Variants in THAP7 observed in about 807,000 individuals in gnomAD.
THAP7 encodes the protein THAP domain-containing protein 7.
THAP7 carries 22 observed loss-of-function variants against 29.2 expected under a neutral mutation model. The ratio of observed to expected loss-of-function variants is 0.75; its 90% confidence interval spans 0.54 to 1.08. THAP7 has a LOEUF of 1.08. THAP7 is among the 50% of genes least tolerant of loss of function. The pLI is 0.00. For missense variants in THAP7, 448 were observed against 416.2 expected, an observed-to-expected ratio of 1.08 and a Z score of -0.66; for synonymous variants, 208 against 173.4, an observed-to-expected ratio of 1.20 and a Z score of -1.57.
In THAP7 at chr22:21,000,664, G is replaced by C; in HGVS notation, c.360C>G (p.Leu120=). Residue 120 remains leucine (L), a synonymous_variant, in exon 3 of 4, where the codon CTC becomes CTG. Transcript: ENST00000215742. ...YPPGPAEVSR[L]RRCRKRCSEG... Reference sequence around the variant, plus strand: ...TCACATACCGCTTCCTGCATCGTCTGAGCCGGCTGACTTCAGCGGGGCCAG... The same window carrying C: ...TCACATACCGCTTCCTGCATCGTCTCAGCCGGCTGACTTCAGCGGGGCCAG... 1 of 1,614,150 alleles carries C rather than the reference G, an allele frequency of 6.2e-7. No individual in the cohort carries two copies. Among genetic ancestry groups the C allele is most frequent in the Non-Finnish European group, 8.5e-7 (1 of 1,180,030 alleles).
In THAP7 at chr22:21,001,805, G is replaced by A. The variant is rs918498419; in HGVS notation, c.80+27C>T. On this transcript the variant is annotated intron_variant, in intron 1 of 3. Coordinates refer to ENST00000215742, the MANE Select transcript of THAP7 (RefSeq NM_030573.3). ...CGAGCAACAACTAGCGCATGCGCAC[G>A]TGAGCCCGCGGCGCACGCGCGCTGA... The A allele has an allele frequency of 2.6e-6, 4 of 1,541,040 alleles. No individual in the cohort carries two copies. The African/African-American group carries it at 4.1e-5, about 16-fold the overall frequency.
In THAP7 at chr22:21,002,056, A is replaced by G. The variant is rs1312807385; in HGVS notation, c.-145T>C. 4 of 723,080 alleles carry G rather than the reference A, an allele frequency of 5.5e-6. No homozygotes were observed. Among genetic ancestry groups the G allele is most frequent in the Non-Finnish European group, 8.6e-6 (4 of 465,842 alleles). The allele number at this position is 723,080 out of a possible 1,614,324, so 44.8% of individuals were successfully genotyped here. ...TGTCGCCCCAACCCCGTCCCAGCCG[A>G]TTCTCTTGACTTCTGTCAGCGGCAC... On this transcript the variant is annotated 5_prime_UTR_variant, in exon 1 of 4. Coordinates refer to ENST00000215742, the MANE Select transcript of THAP7 (RefSeq NM_030573.3).
chr22:21,001,551 C>T (rs1925166455), intron 1 of THAP7, 140 bp from the exon 2 acceptor site: 1 of 1,325,930 alleles, frequency 7.5e-7, no homozygotes, highest in Admixed American at 2.4e-5. Context: ...AGCACCACCG[C>T]CCGGGCACAG....
At position 21,001,296 on chromosome 22, in the gene THAP7, T is replaced by C. The variant is rs2147976211; in HGVS notation, c.196A>G (p.Lys66Glu). 1 of 1,614,058 alleles carries C rather than the reference T, an allele frequency of 6.2e-7. No homozygotes were observed. The highest frequency in any genetic ancestry group is 2.2e-5 in the East Asian group (1 of 44,856). The stretch of plus-strand genomic sequence containing the variant: ...TCAAAGCAGTCCTCCTCAAAGTGTT[T>C]GGAGCAGAAGTAGATGTACTCGGAT... Reference protein sequence around the residue: ...PASEYIYFCSKHFEEDCFELV... With the variant: ...PASEYIYFCSEHFEEDCFELV... The change falls in exon 2 of 4, where the codon AAA becomes GAA. Residue 66 changes from lysine (K) to glutamate (E), a missense_variant. By Grantham distance (56) the Lys-to-Glu change is moderately conservative. Coordinates refer to ENST00000215742, the MANE Select transcript of THAP7 (RefSeq NM_030573.3).
At position 21,000,201 on chromosome 22, in the gene THAP7, A is replaced by G. The variant is rs1008183642; in HGVS notation, c.609T>C (p.Pro203=). Residue 203 remains proline, a synonymous_variant, in exon 4 of 4, where the codon CCT becomes CCC. Coordinates refer to ENST00000215742, the MANE Select transcript of THAP7 (RefSeq NM_030573.3). Reference sequence around the variant, plus strand: ...AGGGGGAGACTGGCCGTGGTTCGAGAGGGGAGGGCTGCCGCTCTGGTGAAG... The same window carrying G: ...AGGGGGAGACTGGCCGTGGTTCGAGGGGGGAGGGCTGCCGCTCTGGTGAAG... ...AQPSPERQPS[P]LEPRPVSPSA... 18 of 1,559,206 alleles carry G rather than the reference A, an allele frequency of 1.2e-5. No individual in the cohort carries two copies. The highest frequency in any genetic ancestry group is 1.5e-5 in the Non-Finnish European group (17 of 1,151,978).
Position 21,000,800 on chromosome 22 carries a change from G to T in THAP7, c.237-13C>A, listed in dbSNP as rs756200681. ...CCTGTGATATCCACTGCGGGGAAAA[G>T]CAACCCAGATGAGCTGGAGAGCAAG... On this transcript the variant is annotated splice_polypyrimidine_tract_variant and intron_variant, in intron 2 of 3. Coordinates refer to ENST00000215742, the MANE Select transcript of THAP7 (RefSeq NM_030573.3). 1.2e-6 allele frequency: 2 copies of T among 1,613,960 alleles called. No individual in the cohort carries two copies. Among genetic ancestry groups the T allele is most frequent in the South Asian group, 1.1e-5 (1 of 91,084 alleles).
rs139396008 is a variant in THAP7, at chr22:21,001,058, ACT to A, written c.236+196_236+197del. ...TGGCAAGACTGGGGCTCTGAAAGAT[ACT>A]CTCTGGAAAGGCTCCTGTTTTCCCC... On this transcript the variant is annotated intron_variant, in intron 2 of 3. Coordinates refer to ENST00000215742, the MANE Select transcript of THAP7 (RefSeq NM_030573.3). 8.6e-5 allele frequency: 76 copies of A among 882,500 alleles called. No homozygotes were observed. The East Asian group carries it at 1.7e-3, about 19-fold the overall frequency. The allele number at this position is 882,500 out of a possible 1,614,324, so 54.7% of individuals were successfully genotyped here.
rs369415723 is a variant in THAP7 at position 21,000,093 on chromosome 22, G to C, written c.717C>G (p.Leu239=). ...EHSYQVGSAL[L]WKRRAEAALD... ...GGGCTGCCTCGGCTCGCCGCTTCCAGAGTAAGGCGCTGCCCACCTGGTAGC... is the reference window on the plus strand; with the variant it reads ...GGGCTGCCTCGGCTCGCCGCTTCCACAGTAAGGCGCTGCCCACCTGGTAGC... The change falls in exon 4 of 4, where the codon CTC becomes CTG. Residue 239 remains leucine (L), a synonymous_variant. Coordinates refer to ENST00000215742, the MANE Select transcript of THAP7 (RefSeq NM_030573.3). 5 of 1,612,596 alleles carry C rather than the reference G, an allele frequency of 3.1e-6. No individual in the cohort carries two copies. Among genetic ancestry groups the C allele is most frequent in the Non-Finnish European group, 3.4e-6 (4 of 1,179,834 alleles).
chr22:21,001,119 T>A (rs1925141142), intron 2 of THAP7, 137 bp downstream of exon 2: 1 of 1,298,422 alleles, frequency 7.7e-7, no homozygotes, highest in African/African-American at 1.5e-5. Context: ...TGGGGGTGGG[T>A]TTCACTGTGC....
At chr22:21,001,709 C>T (rs1376913043) in intron 1 of THAP7, 123 bp downstream of exon 1, 9 of 1,135,736 alleles carry the variant, frequency 7.9e-6, no homozygotes, top group Non-Finnish European at 8.5e-6. Context: ...CGCTTCACCT[C>T]CCACCCACAG....
intron 2 of THAP7, 169 bp from the exon 3 acceptor site, chr22:21,000,956 G>A (rs1478849058): frequency 9.4e-7 from 1 of 1,067,548 alleles, no homozygotes; most frequent in Non-Finnish European, 1.3e-6. Context: ...ACTCCTCACA[G>A]TCCAGGTGTG....
Position 20,999,855 on chromosome 22 carries a change from G to C in THAP7, c.*25C>G. 3 of 1,579,210 alleles carry C rather than the reference G, an allele frequency of 1.9e-6. No individual in the cohort carries two copies. Among genetic ancestry groups the C allele is most frequent in the Non-Finnish European group, 2.6e-6 (3 of 1,166,022 alleles). On this transcript the variant is annotated 3_prime_UTR_variant, in exon 4 of 4. Transcript: ENST00000215742. ...GAAGAGGCTGCAGTCTTGCTGGGCA[G>C]CCCCTCGGTCAGTCCAGCAGCCCCT...
intron 1 of THAP7, 106 bp downstream of exon 1, chr22:21,001,726 G>A (rs1925178002): frequency 1.4e-5 from 17 of 1,247,282 alleles, no homozygotes; most frequent in South Asian, 3.0e-5. Flanking sequence ...ACAGGTTCAA[G>A]CCTCCTCAGT....
chr22:21,000,154 G>A lies in THAP7; in HGVS notation c.656C>T (p.Pro219Leu), dbSNP rs1441806091. The A allele has an allele frequency of 6.3e-7, 1 of 1,590,024 alleles. No individual in the cohort carries two copies. Among genetic ancestry groups the A allele is most frequent in the Non-Finnish European group, 8.6e-7 (1 of 1,168,670 alleles). Reference protein sequence around the residue: ...VSPSAYMLRLPPPAGAYIQNE... With the variant: ...VSPSAYMLRLLPPAGAYIQNE... ...CTGGATGTAGGCTCCGGCGGGTGGG[G>A]GCAGGCGCAGCATATACGCTGAGGG... The change falls in exon 4 of 4, where the codon CCC becomes CTC. Residue 219 changes from proline (P) to leucine (L), a missense_variant. Physicochemically the swap from Pro to Leu is moderately conservative, Grantham distance 98. Transcript: ENST00000215742.
intron 3 of THAP7, 75 bp downstream of exon 3, chr22:21,000,572 G>A (rs1428217598): frequency 7.5e-6 from 12 of 1,600,912 alleles, no homozygotes; most frequent in Admixed American, 1.7e-5. Flanking sequence ...CAGCGAGACT[G>A]CTGGCAGACA....
chr22:21,000,284 A>C lies in THAP7; in HGVS notation c.526T>G (p.Ser176Ala), dbSNP rs1269855338. ...GCACCCAAGGGGCCCAGTAGGTCTG[A>C]AAAGGGGCTGCTAAGGCCAGGCTCC... is the stretch of plus-strand genomic sequence containing the variant. ...RLEPGLSSPF[S>A]DLLGPLGAQA... Residue 176 changes from serine (S) to alanine (A), a missense_variant, in exon 4 of 4, where the codon TCA (serine) becomes GCA (alanine). Coordinates refer to ENST00000215742, the MANE Select transcript of THAP7 (RefSeq NM_030573.3). The C allele has an allele frequency of 1.3e-6, 2 of 1,557,578 alleles. No homozygotes were observed. The highest frequency in any genetic ancestry group is 2.4e-5 in the South Asian group (2 of 84,772).
In THAP7 at chr22:21,001,281, C is replaced by G. The variant is rs1387991265; in HGVS notation, c.211G>C (p.Asp71His). The change falls in exon 2 of 4, where the codon GAC becomes CAC. Residue 71 changes from aspartate (D) to histidine (H), a missense_variant. Asp to His is a moderately conservative substitution (Grantham distance 81, BLOSUM62 -1). Coordinates refer to ENST00000215742, the MANE Select transcript of THAP7 (RefSeq NM_030573.3). Reference protein sequence around the residue: ...IYFCSKHFEEDCFELVGISGY... With the variant: ...IYFCSKHFEEHCFELVGISGY... ...CTGATTCCCACCAGCTCAAAGCAGTCCTCCTCAAAGTGTTTGGAGCAGAAG... is the reference window on the plus strand; with the variant it reads ...CTGATTCCCACCAGCTCAAAGCAGTGCTCCTCAAAGTGTTTGGAGCAGAAG... 6.2e-7 allele frequency: 1 copy of G among 1,614,096 alleles called. No homozygotes were observed. Among genetic ancestry groups the G allele is most frequent in the Non-Finnish European group, 8.5e-7 (1 of 1,179,976 alleles).
rs748835150 is a variant in THAP7, at chr22:21,001,401, T to A, written c.91A>T (p.Lys31Ter). The change falls in exon 2 of 4, where the codon AAG becomes TAG. Residue 31 changes from lysine to a stop codon, truncating the protein, a stop_gained. Coordinates refer to ENST00000215742, the MANE Select transcript of THAP7 (RefSeq NM_030573.3). LOFTEE classifies it high-confidence loss of function. ...RGISFHRLPK[K>*]DNPRRGLWLA... ...CACAAGCCTCGCCTCGGGTTGTCCT[T>A]CTTGGGAAGTCTGTGGAGCCACAAA... 2 of 1,613,616 alleles carry A rather than the reference T, an allele frequency of 1.2e-6. No homozygotes were observed. The highest frequency in any genetic ancestry group is 4.5e-5 in the East Asian group (2 of 44,882).
chr22:21,000,354 C>T lies in THAP7; in HGVS notation c.456G>A (p.Glu152=), dbSNP rs773204079. The stretch of plus-strand genomic sequence containing the variant: ...CCGGCAAAGTGGCAGGTGCTGAGGC[C>T]TCTTCCACAGGAAAGCAGGTGACAT... ...PADVTCFPVE[E]ASAPATLPAS... Residue 152 remains glutamate (E), a synonymous_variant, in exon 4 of 4, where the codon GAG becomes GAA. Coordinates refer to ENST00000215742, the MANE Select transcript of THAP7 (RefSeq NM_030573.3). 1 of 1,553,312 alleles carries T rather than the reference C, an allele frequency of 6.4e-7. No homozygotes were observed. The highest frequency in any genetic ancestry group is 1.2e-5 in the South Asian group (1 of 84,356).
Sources: gnomAD v4.1 joint callset for allele counts on GRCh38, gnomAD v4.1.1 for gene constraint, MANE v1.5 for transcripts, NCBI Gene and HGNC (gene_info 2026-07-23, HGNC 2026-07-21) for gene names.